The following NCOA1 variants were observed in gnomAD, a reference collection of about 807,000 sequenced individuals.
NCOA1 encodes Hin-2 protein.
In NCOA1, 35 loss-of-function variants were observed where a neutral mutation model predicts 150.9. The observed-to-expected ratio is 0.23, with a 90% CI of 0.18 to 0.31. The LOEUF is 0.31. NCOA1 is among the 10% of genes least tolerant of loss of function. The pLI is 1.00. For synonymous variants in NCOA1, 590 were observed against 630.0 expected, an observed-to-expected ratio of 0.94 and a Z score of 0.95; for missense variants, 1,491 against 1,749.3, an observed-to-expected ratio of 0.85 and a Z score of 2.63.
intron 6 of NCOA1, among the ~76,000 whole-genome samples, chr2:24,671,083 A>G (rs534172268): frequency 2.3e-4 from 35 of 152,296 alleles, no homozygotes; most frequent in African/African-American, 7.9e-4. Context: ...AAGAGGAAAT[A>G]CCAAAAATAG....
intron 1 of NCOA1, among the ~76,000 whole-genome samples, chr2:24,528,190 T>C (rs1664728825): frequency 6.6e-6 from 1 of 152,122 alleles, no homozygotes; most frequent in African/African-American, 2.4e-5. Flanking sequence ...GTTTTTGTTT[T>C]TATAGCCTGA....
At chr2:24,636,790 AT>A in intron 3 of NCOA1, among the ~76,000 whole-genome samples, 1 of 151,962 alleles carries the variant, frequency 6.6e-6, no homozygotes. Flanking sequence ...ATAACTTTTA[AT>A]TTTTAGCTTA....
chr2:24,693,852 A>G (rs184681677), intron 10 of NCOA1, among the ~76,000 whole-genome samples: 93 of 152,262 alleles, frequency 6.1e-4, no homozygotes, highest in African/African-American at 2.2e-3. Context: ...ATTCAGTGAC[A>G]AATTGTGTTA....
At chr2:24,653,703 C>T (rs1378580862) in intron 4 of NCOA1, among the ~76,000 whole-genome samples, 2 of 151,884 alleles carry the variant, frequency 1.3e-5, no homozygotes, top group African/African-American at 2.4e-5. Flanking sequence ...AAACATAGGC[C>T]CAGGATTATT....
chr2:24,635,130 A>C (rs1669883211), intron 3 of NCOA1, among the ~76,000 whole-genome samples: 2 of 152,160 alleles, frequency 1.3e-5, no homozygotes, highest in African/African-American at 4.8e-5. Flanking sequence ...CTGATTCCAT[A>C]ATAACAAACA....
intron 14 of NCOA1, among the ~76,000 whole-genome samples, chr2:24,714,469 TG>T (rs1673917596): frequency 6.6e-6 from 1 of 151,368 alleles, no homozygotes; most frequent in Non-Finnish European, 1.5e-5. Context: ...AGGGACAACA[TG>T]AACATAATGA....
In NCOA1 at chr2:24,678,730, G is replaced by A. The variant is rs569546987; in HGVS notation, c.355-4221G>A. Among the ~76,000 whole-genome samples, 27 of 152,248 alleles carry A rather than the reference G, an allele frequency of 1.8e-4. 1 individual carries two copies. Among genetic ancestry groups the A allele is most frequent in the African/African-American group, 6.3e-4 (26 of 41,548 alleles). ...TGCCATTTGCCTGCTTTTTAATGGG[G>A]TTGTTTGGTTTTTTCTTGTAAATTT... is the stretch of plus-strand genomic sequence containing the variant. On this transcript the variant is annotated intron_variant, in intron 7 of 22. Coordinates refer to ENST00000348332, the MANE Select transcript of NCOA1 (RefSeq NM_003743.5).
intron 10 of NCOA1, among the ~76,000 whole-genome samples, chr2:24,694,666 T>A (rs1672816642): frequency 6.6e-6 from 1 of 152,122 alleles, no homozygotes; most frequent in African/African-American, 2.4e-5. Context: ...CTAAGGATAG[T>A]AATTATCAAT....
intron 2 of NCOA1, among the ~76,000 whole-genome samples, chr2:24,571,126 A>C (rs1041319394): frequency 1.5e-4 from 22 of 151,664 alleles, no homozygotes; most frequent in South Asian, 8.3e-4. Flanking sequence ...CTTCCTTACT[A>C]TCTCGAGTAC....
chr2:24,531,313 T>G (rs1337537988), intron 1 of NCOA1, among the ~76,000 whole-genome samples: 1 of 152,080 alleles, frequency 6.6e-6, no homozygotes, highest in Non-Finnish European at 1.5e-5. Flanking sequence ...ATTGGAGAGA[T>G]ATGAAACCAA....
intron 3 of NCOA1, among the ~76,000 whole-genome samples, chr2:24,607,763 C>T (rs1668437520): frequency 6.6e-6 from 1 of 151,700 alleles, no homozygotes; most frequent in East Asian, 1.9e-4. Flanking sequence ...GTTATACTGG[C>T]TTCATAAAAC....
Position 24,707,197 on chromosome 2 carries a change from A to C in NCOA1, c.1727A>C (p.Gln576Pro), listed in dbSNP as rs759076764. ...AATTCACCTAGCAGATTAAATATAC[A>C]ACCAGCAAAAGCTGAGTCCAAAGAT... ...SQNSPSRLNI[Q>P]PAKAESKDNK... The change falls in exon 13 of 23, where the codon CAA becomes CCA. Residue 576 changes from glutamine (Q) to proline (P), a missense_variant. By Grantham distance (76) the Gln-to-Pro change is moderately conservative. Transcript: ENST00000348332. 4.0e-5 allele frequency: 65 copies of C among 1,614,068 alleles called. No individual in the cohort carries two copies. Among genetic ancestry groups the C allele is most frequent in the Non-Finnish European group, 5.4e-5 (64 of 1,180,042 alleles).
At chr2:24,530,090 G>T (rs773652099) in intron 1 of NCOA1, among the ~76,000 whole-genome samples, 58 of 152,216 alleles carry the variant, frequency 3.8e-4, no homozygotes, top group Non-Finnish European at 6.8e-4. Context: ...AAAGATTTCC[G>T]GGTTTAGAGT....
chr2:24,510,317 G>T (rs549436509), intron 1 of NCOA1, among the ~76,000 whole-genome samples: 2 of 152,208 alleles, frequency 1.3e-5, no homozygotes, highest in Non-Finnish European at 2.9e-5. Context: ...AAAGTGCTGG[G>T]ATTACAGGTG....
At chr2:24,582,336 G>T (rs1667225637) in intron 2 of NCOA1, among the ~76,000 whole-genome samples, 1 of 151,952 alleles carries the variant, frequency 6.6e-6, no homozygotes, top group African/African-American at 2.4e-5. Flanking sequence ...GCCTGGAAAA[G>T]AAAGCAATTC....
At chr2:24,586,376 TTTTGTTTG>T (rs113339929) in intron 3 of NCOA1, among the ~76,000 whole-genome samples, 74 of 151,552 alleles carry the variant, frequency 4.9e-4, no homozygotes, top group African/African-American at 1.4e-3. Context: ...GCTTGAGGCT[TTTTGTTTG>T]TTTGTTTGTT....
chr2:24,527,127 A>C (rs1003916564), intron 1 of NCOA1, among the ~76,000 whole-genome samples: 5 of 152,172 alleles, frequency 3.3e-5, no homozygotes, highest in African/African-American at 1.2e-4. Flanking sequence ...AAGACAAATC[A>C]ACATATCCAT....
At chr2:24,497,528 C>T (rs906212950) in intron 1 of NCOA1, among the ~76,000 whole-genome samples, 12 of 152,068 alleles carry the variant, frequency 7.9e-5, no homozygotes, top group Admixed American at 1.3e-4. Flanking sequence ...AAAAAATAGC[C>T]GGGTGTGGTG....
intron 1 of NCOA1, among the ~76,000 whole-genome samples, chr2:24,547,392 A>C (rs1665644922): frequency 1.3e-5 from 2 of 152,160 alleles, no homozygotes; most frequent in South Asian, 2.1e-4. Flanking sequence ...TTTAGTTGCA[A>C]ATCTTCCAAA....
Sources: allele counts gnomAD v4.1 joint callset (sites outside exome capture counted in the v4.1 genomes callset), GRCh38; gene constraint gnomAD v4.1.1; transcripts MANE v1.5; gene names NCBI Gene and HGNC (gene_info 2026-07-23, HGNC 2026-07-21).